SBF2: variants seen among roughly 807,000 people sequenced by gnomAD.
SBF2 encodes the protein SET binding factor 2, also known as myotubularin-related protein 13.
SBF2 carries 112 observed loss-of-function variants against 225.2 expected under a neutral mutation model. The observed-to-expected ratio is 0.50, with a 90% confidence interval of 0.43 to 0.58. The LOEUF (loss-of-function observed/expected upper bound fraction) is 0.58. Among genes scored for constraint, SBF2 ranks in the 20% least tolerant of loss-of-function variants. The pLI is 0.00. For synonymous variants in SBF2, 763 were observed against 773.3 expected, an observed-to-expected ratio of 0.99 and a Z score of 0.22; for missense variants, 1,996 against 2,206.2, an observed-to-expected ratio of 0.90 and a Z score of 1.91.
chr11:10,265,051 T>C (rs939851797), intron 1 of SBF2, among the ~76,000 whole-genome samples: 12 of 152,174 alleles, frequency 7.9e-5, no homozygotes, highest in African/African-American at 2.9e-4. Context: ...TACGTGTGCA[T>C]GTGTCTTTAC....
At chr11:9,859,693 T>C (rs907713836) in intron 17 of SBF2, among the ~76,000 whole-genome samples, 1 of 152,208 alleles carries the variant, frequency 6.6e-6, no homozygotes, top group Non-Finnish European at 1.5e-5. Context: ...AGTTGGTTCA[T>C]TTCTTAGGGA....
At chr11:10,292,099 T>C (rs1964194516) in intron 1 of SBF2, among the ~76,000 whole-genome samples, 1 of 152,218 alleles carries the variant, frequency 6.6e-6, no homozygotes, top group African/African-American at 2.4e-5. Context: ...ATAACATGAA[T>C]GCAACACATA....
chr11:9,963,748 C>A, intron 15 of SBF2, 25 bp downstream of exon 15: 1 of 1,127,296 alleles, frequency 8.9e-7, no homozygotes, highest in East Asian at 2.4e-5. Context: ...TAAATGCTTA[C>A]TTGGGAAAGA....
At chr11:10,160,192 GAAGT>G (rs1170534718) in intron 2 of SBF2, among the ~76,000 whole-genome samples, 1 of 152,166 alleles carries the variant, frequency 6.6e-6, no homozygotes, top group Non-Finnish European at 1.5e-5. Flanking sequence ...AAATCTGTTA[GAAGT>G]AATAAACAAG....
intron 1 of SBF2, among the ~76,000 whole-genome samples, chr11:10,275,381 T>G (rs192736977): frequency 6.6e-6 from 1 of 152,204 alleles, no homozygotes; most frequent in South Asian, 2.1e-4. Context: ...CAAAGTATAT[T>G]TGATTCTCTG....
At chr11:10,261,105 G>A (rs1961386837) in intron 1 of SBF2, among the ~76,000 whole-genome samples, 1 of 152,142 alleles carries the variant, frequency 6.6e-6, no homozygotes, top group African/African-American at 2.4e-5. Context: ...AAATCACAAT[G>A]AGATACTAGT....
chr11:10,009,083 C>G (rs1354224236), intron 6 of SBF2, among the ~76,000 whole-genome samples: 2 of 152,138 alleles, frequency 1.3e-5, no homozygotes, highest in African/African-American at 4.8e-5. Flanking sequence ...AGACTAGAGG[C>G]TCCAGGGCAG....
intron 3 of SBF2, 91 bp from the exon 4 acceptor site, chr11:10,031,261 T>A: frequency 8.3e-7 from 1 of 1,210,482 alleles, no homozygotes; most frequent in Non-Finnish European, 1.2e-6. Flanking sequence ...ATATAACTTA[T>A]GCAAATTCAA....
chr11:10,257,906 G>A (rs34596876), intron 1 of SBF2, among the ~76,000 whole-genome samples: 3,078 of 149,494 alleles, frequency 0.021, 99 homozygotes, highest in African/African-American at 0.064. Context: ...GCAGTGAAAC[G>A]AGATCGCGCC....
At chr11:10,246,758 T>TA (rs1959835862) in intron 1 of SBF2, among the ~76,000 whole-genome samples, 2 of 152,352 alleles carry the variant, frequency 1.3e-5, no homozygotes, top group Admixed American at 1.3e-4. Flanking sequence ...CTTCACCACT[T>TA]AATTATAACA....
Position 10,042,999 on chromosome 11 carries a change from A to G in SBF2, c.142-18T>C, listed in dbSNP as rs1423174066. ...TGACAAAACTAAATGAAATAGAAAA[A>G]AAAATGTAACATTTAAAAACAATAA... is the stretch of plus-strand genomic sequence containing the variant. On this transcript the variant is annotated intron_variant, in intron 2 of 39. Transcript: ENST00000256190. 2 of 1,611,862 alleles carry G rather than the reference A, an allele frequency of 1.2e-6. No individual in the cohort carries two copies. The highest frequency in any genetic ancestry group is 1.7e-6 in the Non-Finnish European group (2 of 1,178,344).
At chr11:9,852,000 C>G (rs1856994115) in intron 21 of SBF2, among the ~76,000 whole-genome samples, 1 of 152,188 alleles carries the variant, frequency 6.6e-6, no homozygotes, top group Non-Finnish European at 1.5e-5. Context: ...GTCTCAAACT[C>G]CTGGGCTCAA....
chr11:9,949,069 A>G (rs1865714961), intron 16 of SBF2, among the ~76,000 whole-genome samples: 2 of 152,184 alleles, frequency 1.3e-5, no homozygotes, highest in South Asian at 4.1e-4. Context: ...GAAGGAAAGA[A>G]GGGAGGGAAG....
At chr11:9,938,926 G>A (rs994740492) in intron 16 of SBF2, among the ~76,000 whole-genome samples, 73 of 151,830 alleles carry the variant, frequency 4.8e-4, no homozygotes, top group Non-Finnish European at 1.5e-4. Flanking sequence ...GATAAATAAT[G>A]TATTTGGGAA....
intron 28 of SBF2, among the ~76,000 whole-genome samples, chr11:9,822,027 G>C (rs2133919718): frequency 6.6e-6 from 1 of 152,224 alleles, no homozygotes; most frequent in East Asian, 1.9e-4. Context: ...CAATGGCAAT[G>C]ATAACAATAA....
chr11:10,172,240 T>A lies in SBF2; in HGVS notation c.141+21662A>T, dbSNP rs1185474950. ...GCATCATTAGGTTGTTTATGTGAAG[T>A]TTTTCTTCTTTTTTGATGTAGGCAC... On this transcript the variant is annotated intron_variant, in intron 2 of 39. Transcript: ENST00000256190. Among the ~76,000 whole-genome samples the A allele has an allele frequency of 2.6e-5, 4 of 152,270 alleles. No individual in the cohort carries two copies. The East Asian group carries it at 7.7e-4, about 29-fold the overall frequency.
At chr11:10,182,641 C>T (rs1489900074) in intron 2 of SBF2, among the ~76,000 whole-genome samples, 2 of 152,090 alleles carry the variant, frequency 1.3e-5, no homozygotes, top group East Asian at 1.9e-4. Flanking sequence ...GCAATCTCTG[C>T]CTCCTGGGCT....
intron 6 of SBF2, among the ~76,000 whole-genome samples, chr11:10,019,944 G>A (rs1211364488): frequency 4.6e-5 from 7 of 152,162 alleles, no homozygotes; most frequent in South Asian, 2.1e-4. Flanking sequence ...TTTTAGGAAC[G>A]TAAGTTATTT....
intron 2 of SBF2, among the ~76,000 whole-genome samples, chr11:10,072,553 G>A (rs1950925517): frequency 1.3e-5 from 2 of 151,444 alleles, no homozygotes; most frequent in African/African-American, 4.9e-5. Context: ...CTTAAATAGA[G>A]GAAATAAGGT....
Sources: gnomAD v4.1 joint callset for allele counts (sites outside exome capture counted in the v4.1 genomes callset) on GRCh38, gnomAD v4.1.1 for gene constraint, MANE v1.5 for transcripts, NCBI Gene and HGNC (gene_info 2026-07-23, HGNC 2026-07-21) for gene names.